The following KAZN variants were observed in gnomAD, a reference collection of about 807,000 sequenced individuals.
KAZN encodes kazrin, periplakin interacting protein.
KAZN carries 40 observed loss-of-function variants against 87.4 expected under a neutral mutation model. That is an observed-to-expected ratio of 0.46 (90% confidence interval 0.36 to 0.60). The LOEUF is 0.60. Ranked by LOEUF, KAZN falls within the 20% of genes least tolerant of loss-of-function variation. The pLI, the probability that KAZN is intolerant of heterozygous loss-of-function variation, is 0.00. For missense variants in KAZN, 898 were observed against 1,073.9 expected (o/e 0.84, Z 2.29); for synonymous variants, 466 against 458.3 (o/e 1.02, Z -0.22).
chr1:14,117,224 G>C (rs1644643354), intron 1 of KAZN, among the ~76,000 whole-genome samples: 1 of 152,184 alleles, frequency 6.6e-6, no homozygotes, highest in Non-Finnish European at 1.5e-5. Flanking sequence ...TGGTTTGGCT[G>C]TGTCCCCATC....
intron 1 of KAZN, among the ~76,000 whole-genome samples, chr1:14,175,159 A>G (rs12066301): frequency 0.045 from 6,908 of 152,272 alleles, 502 homozygotes; most frequent in African/African-American, 0.16. Flanking sequence ...GCTGGAGTGC[A>G]GTGGCGCAAT....
intron 1 of KAZN, among the ~76,000 whole-genome samples, chr1:14,886,175 G>A (rs568877707): frequency 1.5e-4 from 23 of 151,516 alleles, no homozygotes; most frequent in Admixed American, 1.2e-3. Flanking sequence ...TAATCCCAGC[G>A]CTTTGGGAGG....
chr1:14,340,846 T>C lies in KAZN; in HGVS notation c.249+160254T>C, dbSNP rs148652247. ...ATTATGAGTAAAATGAAAATGTTTA[T>C]CAGATGTTCATCTTATATCTCCGTA... is the stretch of plus-strand genomic sequence containing the variant. On this transcript the variant is annotated intron_variant, in intron 2 of 16. Transcript: ENST00000636203. Among the ~76,000 whole-genome samples the C allele has an allele frequency of 2.6e-4, 39 of 151,746 alleles. No homozygotes were observed. The East Asian group carries it at 6.6e-3, about 26-fold the overall frequency.
At chr1:14,074,765 G>T (rs559808974) in intron 1 of KAZN, among the ~76,000 whole-genome samples, 1 of 152,256 alleles carries the variant, frequency 6.6e-6, no homozygotes, top group African/African-American at 2.4e-5. Flanking sequence ...TATTAGCAAC[G>T]GACTGAGATG....
chr1:14,666,151 G>T (rs1639538379), intron 1 of KAZN, among the ~76,000 whole-genome samples: 1 of 151,950 alleles, frequency 6.6e-6, no homozygotes, highest in Non-Finnish European at 1.5e-5. Context: ...CCAACTTCTG[G>T]CCCCCTTTCC....
At chr1:14,339,522 A>G (rs558389905) in intron 2 of KAZN, among the ~76,000 whole-genome samples, 14 of 152,328 alleles carry the variant, frequency 9.2e-5, no homozygotes, top group African/African-American at 3.4e-4. Flanking sequence ...ATCTGCAGTC[A>G]GCAAGCTAGA....
intron 2 of KAZN, among the ~76,000 whole-genome samples, chr1:14,289,841 G>A (rs1331995812): frequency 1.3e-5 from 2 of 152,126 alleles, no homozygotes; most frequent in Non-Finnish European, 2.9e-5. Flanking sequence ...TCCATGTTTA[G>A]TGCTTCCTTC....
intron 2 of KAZN, among the ~76,000 whole-genome samples, chr1:14,320,868 G>T (rs1315247934): frequency 2.0e-5 from 3 of 152,144 alleles, no homozygotes; most frequent in African/African-American, 7.2e-5. Flanking sequence ...AGTCCTCCAT[G>T]TCCATGGGAT....
At chr1:14,258,218 C>CTTTCTTTCTTTCTTTCTT (rs539198790) in intron 2 of KAZN, among the ~76,000 whole-genome samples, 2 of 126,452 alleles carry the variant, frequency 1.6e-5, no homozygotes, top group African/African-American at 6.0e-5. Flanking sequence ...TTCTTTCTTT[C>CTTTCTTTCTTTCTTTCTT]TTTTTTTTTT....
At chr1:14,251,016 T>TC (rs1649984140) in intron 2 of KAZN, among the ~76,000 whole-genome samples, 1 of 152,090 alleles carries the variant, frequency 6.6e-6, no homozygotes, top group Admixed American at 6.6e-5. Flanking sequence ...AAAACATGTT[T>TC]CCCCTTCCAG....
intron 2 of KAZN, among the ~76,000 whole-genome samples, chr1:14,494,367 T>C (rs1557757521): frequency 6.6e-6 from 1 of 152,238 alleles, no homozygotes; most frequent in Non-Finnish European, 1.5e-5. Context: ...GGTTGCTACC[T>C]GCTCTTATGC....
intron 1 of KAZN, among the ~76,000 whole-genome samples, chr1:14,762,793 T>C (rs1644779005): frequency 1.3e-5 from 2 of 152,002 alleles, no homozygotes; most frequent in South Asian, 4.1e-4. Flanking sequence ...ACAGGGGCCA[T>C]GGGCCAGACG....
At chr1:14,869,294 C>T (rs1388663537) in intron 1 of KAZN, among the ~76,000 whole-genome samples, 2 of 152,060 alleles carry the variant, frequency 1.3e-5, no homozygotes, top group Non-Finnish European at 2.9e-5. Flanking sequence ...AGGGTGAGCT[C>T]GCGACCTTTC....
chr1:14,077,350 A>G lies in KAZN; in HGVS notation c.92-103085A>G, dbSNP rs75816830. 5.3e-3 allele frequency among the ~76,000 whole-genome samples: 801 copies of G among 152,290 alleles called. 14 individuals carry two copies. Among genetic ancestry groups the G allele is most frequent in the African/African-American group, 0.018 (766 of 41,564 alleles). On this transcript the variant is annotated intron_variant, in intron 1 of 16. Coordinates refer to the KAZN transcript ENST00000636203. The stretch of plus-strand genomic sequence containing the variant: ...GCTGTCCCCATGGTAAGTAATGAAA[A>G]GGTTTTTTCTAGACCCCTTTGACTT...
chr1:14,419,818 C>G (rs377252303), intron 2 of KAZN, among the ~76,000 whole-genome samples: 2 of 152,170 alleles, frequency 1.3e-5, no homozygotes, highest in African/African-American at 4.8e-5. Flanking sequence ...GGTTCGGGGT[C>G]TCGCTGGTCT....
At chr1:14,698,474 G>A (rs886662024) in intron 1 of KAZN, among the ~76,000 whole-genome samples, 1 of 152,196 alleles carries the variant, frequency 6.6e-6, no homozygotes, top group African/African-American at 2.4e-5. Flanking sequence ...CTGCTTCGAG[G>A]CTGTCCCGTG....
chr1:14,823,761 G>C (rs1294706771), intron 1 of KAZN, among the ~76,000 whole-genome samples: 2 of 152,180 alleles, frequency 1.3e-5, no homozygotes, highest in Non-Finnish European at 2.9e-5. Flanking sequence ...GCAGGGCCTA[G>C]TTCTTGGTGC....
In KAZN at chr1:14,996,406, C is replaced by T. The variant is rs540175642; in HGVS notation, c.418+35531C>T. 4.7e-4 allele frequency among the ~76,000 whole-genome samples: 72 copies of T among 152,276 alleles called. No individual in the cohort carries two copies. Among genetic ancestry groups the T allele is most frequent in the African/African-American group, 1.7e-3 (70 of 41,546 alleles). The stretch of plus-strand genomic sequence containing the variant: ...CGGCACATCATGGGGGCCTCAGAGG[C>T]AGGGACTGTGACTTAGTCATCACTG... On this transcript the variant is annotated intron_variant, in intron 2 of 14. Coordinates refer to ENST00000376030, the MANE Select transcript of KAZN (RefSeq NM_201628.3). The surrounding 1 kb of genome is among the most constrained non-coding windows in gnomAD (Gnocchi z 5.9).
chr1:14,762,192 G>A (rs1644758610), intron 1 of KAZN, among the ~76,000 whole-genome samples: 1 of 152,150 alleles, frequency 6.6e-6, no homozygotes, highest in South Asian at 2.1e-4. Context: ...ATTGCCAGAG[G>A]GCCAAGGGAC....
Sources: gnomAD v4.1 joint callset for allele counts (sites outside exome capture counted in the v4.1 genomes callset) on GRCh38, gnomAD v4.1.1 for gene constraint, Gnocchi (gnomAD v3.1) non-coding constraint, MANE v1.5 for transcripts, NCBI Gene and HGNC (gene_info 2026-07-23, HGNC 2026-07-21) for gene names.